The following PIEZO2 variants were observed in gnomAD, a reference collection of about 807,000 sequenced individuals.
The protein encoded by PIEZO2 is piezo-type mechanosensitive ion channel component 2.
Under a neutral mutation model 337.3 loss-of-function variants are expected in PIEZO2, and 172 were observed. That is an observed-to-expected ratio of 0.51 (90% CI 0.45 to 0.58). The LOEUF (loss-of-function observed/expected upper bound fraction) is 0.58. Ranked by LOEUF, PIEZO2 falls within the 20% of genes least tolerant of loss-of-function variation. The pLI, the probability that PIEZO2 is intolerant of heterozygous loss-of-function variation, is 0.00. For missense variants in PIEZO2, 3,028 were observed against 3,391.3 expected (o/e 0.89, Z 2.66); for synonymous variants, 1,251 against 1,228.5 (o/e 1.02, Z -0.38).
intron 31 of PIEZO2, among the ~76,000 whole-genome samples, chr18:10,743,271 A>C (rs2037296518): frequency 6.6e-6 from 1 of 152,218 alleles, no homozygotes; most frequent in Non-Finnish European, 1.5e-5. Flanking sequence ...AAGCTGGGAA[A>C]TAAGGTCTGA....
intron 4 of PIEZO2, among the ~76,000 whole-genome samples, chr18:10,876,662 C>T (rs1450801248): frequency 6.6e-6 from 1 of 152,174 alleles, no homozygotes; most frequent in Non-Finnish European, 1.5e-5. Flanking sequence ...AGTCCATTTC[C>T]TCATCTTACA....
chr18:10,722,908 C>T (rs1258106896), intron 36 of PIEZO2, among the ~76,000 whole-genome samples: 1 of 147,650 alleles, frequency 6.8e-6, no homozygotes, highest in African/African-American at 2.5e-5. Context: ...GAACTAAGTT[C>T]GAGTGTGTTT....
rs139146951 is a variant in PIEZO2, at chr18:10,828,236, C to T, written c.918-20962G>A. On this transcript the variant is annotated intron_variant, in intron 7 of 55. Coordinates refer to ENST00000674853, the MANE Select transcript of PIEZO2 (RefSeq NM_001378183.1). The surrounding 1 kb of genome is among the most constrained non-coding windows in gnomAD (Gnocchi z 4.1). ...CAGTTTGAGACAGGATGTTGAAGTA[C>T]TATTTGATAGAAAATTTTCCCTATC... is the stretch of plus-strand genomic sequence containing the variant. Among the ~76,000 whole-genome samples the T allele has an allele frequency of 6.6e-6, 1 of 150,930 alleles. No homozygotes were observed. Among genetic ancestry groups the T allele is most frequent in the African/African-American group, 2.4e-5 (1 of 41,146 alleles).
At chr18:10,906,418 A>G (rs1222473305) in intron 4 of PIEZO2, among the ~76,000 whole-genome samples, 1 of 152,236 alleles carries the variant, frequency 6.6e-6, no homozygotes, top group East Asian at 1.9e-4. Context: ...CCCAGTAAGC[A>G]AAAACTTTGA....
intron 4 of PIEZO2, among the ~76,000 whole-genome samples, chr18:10,896,585 G>A (rs2042908316): frequency 6.6e-6 from 1 of 152,176 alleles, no homozygotes; most frequent in African/African-American, 2.4e-5. Context: ...TGGCAAGCAG[G>A]TCAATAAACA....
In PIEZO2 at chr18:10,813,347, G is replaced by T. The variant is rs9945781; in HGVS notation, c.918-6073C>A. ...CACTCATATTGTTGCGAAACCAATC[G>T]CCAGAACTTTTTCATCTTGCAAAAC... On this transcript the variant is annotated intron_variant, in intron 7 of 55. Coordinates refer to ENST00000674853, the MANE Select transcript of PIEZO2 (RefSeq NM_001378183.1). This position sits in a 1 kb window ranked among gnomAD's most constrained non-coding sequence, Gnocchi z 4.2. Among the ~76,000 whole-genome samples, 71,189 of 151,918 alleles carry T rather than the reference G, an allele frequency of 0.47. 17,490 individuals carry two copies. Among genetic ancestry groups the T allele is most frequent in the East Asian group, 0.77 (3,996 of 5,174 alleles).
At position 11,101,829 on chromosome 18, in the gene PIEZO2, T is replaced by A. The variant is rs944772528; in HGVS notation, c.65-35607A>T. ...AGGCCTCGGCTACTCCCATGCTAAATTTTTGGGACACACAAGCTCTTGTAC... is the reference window on the plus strand; with the variant it reads ...AGGCCTCGGCTACTCCCATGCTAAAATTTTGGGACACACAAGCTCTTGTAC... On this transcript the variant is annotated intron_variant, in intron 1 of 55. Coordinates refer to ENST00000674853, the MANE Select transcript of PIEZO2 (RefSeq NM_001378183.1). This position sits in a 1 kb window ranked among gnomAD's most constrained non-coding sequence, Gnocchi z 4.4. 2.0e-5 allele frequency among the ~76,000 whole-genome samples: 3 copies of A among 152,180 alleles called. No homozygotes were observed. The South Asian group carries it at 6.2e-4, about 31-fold the overall frequency.
At chr18:11,042,931 G>C (rs1568322690) in intron 2 of PIEZO2, among the ~76,000 whole-genome samples, 2 of 152,114 alleles carry the variant, frequency 1.3e-5, no homozygotes, top group South Asian at 4.1e-4. Flanking sequence ...AGAATCTGAG[G>C]ATAATTATTG....
chr18:10,804,142 TAAAAAATGAC>T (rs2039918604), intron 8 of PIEZO2, 148 bp from the exon 9 acceptor site: 4 of 1,015,804 alleles, frequency 3.9e-6, no homozygotes, highest in Non-Finnish European at 5.5e-6. Flanking sequence ...CAAGACACTT[TAAAAAATGAC>T]AAAAATACCA....
intron 36 of PIEZO2, chr18:10,725,294 G>A (rs2036488026): frequency 2.5e-6 from 4 of 1,579,742 alleles, no homozygotes; most frequent in Middle Eastern, 3.3e-4. Context: ...TCCATTGTGG[G>A]TAAATACAGC....
At chr18:10,931,719 A>C (rs80171238) in intron 3 of PIEZO2, among the ~76,000 whole-genome samples, 23,797 of 148,516 alleles carry the variant, frequency 0.16, 2,267 homozygotes, top group Admixed American at 0.21. Flanking sequence ...TGTGTGAGAG[A>C]GAGAGAGAGA....
chr18:11,061,843 T>C (rs1394382254), intron 2 of PIEZO2, among the ~76,000 whole-genome samples: 1 of 152,182 alleles, frequency 6.6e-6, no homozygotes, highest in East Asian at 1.9e-4. Context: ...CAAAGGTAAT[T>C]TATAGATTCA....
chr18:10,802,440 A>G (rs540060752), intron 9 of PIEZO2, among the ~76,000 whole-genome samples: 1 of 152,228 alleles, frequency 6.6e-6, no homozygotes, highest in African/African-American at 2.4e-5. Context: ...TTCATTAAAA[A>G]TTTAAAAAAA....
rs2040380335 is a variant in PIEZO2, at chr18:11,132,898, G to A, written c.64+15627C>T. ...CATGCTCTGTGATTAAGGTCAATGG[G>A]AAACTACAACAGCCCAAACCAGGCA... On this transcript the variant is annotated intron_variant, in intron 1 of 55. Coordinates refer to ENST00000674853, the MANE Select transcript of PIEZO2 (RefSeq NM_001378183.1). This position sits in a 1 kb window ranked among gnomAD's most constrained non-coding sequence, Gnocchi z 4.7. Among the ~76,000 whole-genome samples the A allele has an allele frequency of 6.6e-6, 1 of 152,118 alleles. No homozygotes were observed. Among genetic ancestry groups the A allele is most frequent in the African/African-American group, 2.4e-5 (1 of 41,410 alleles).
chr18:10,993,473 C>T lies in PIEZO2; in HGVS notation c.161-13813G>A, dbSNP rs956747604. ...TCTGCATCTATTGAGATAATCATGTCGTTTTTGTCATTGGTTCTGTTTATG... is the reference window on the plus strand; with the variant it reads ...TCTGCATCTATTGAGATAATCATGTTGTTTTTGTCATTGGTTCTGTTTATG... On this transcript the variant is annotated intron_variant, in intron 2 of 55. Transcript: ENST00000674853. This position sits in a 1 kb window ranked among gnomAD's most constrained non-coding sequence, Gnocchi z 5.0. Among the ~76,000 whole-genome samples the T allele has an allele frequency of 5.3e-5, 8 of 152,028 alleles. No individual in the cohort carries two copies. Among genetic ancestry groups the T allele is most frequent in the East Asian group, 3.9e-4 (2 of 5,186 alleles).
intron 7 of PIEZO2, among the ~76,000 whole-genome samples, chr18:10,809,689 C>T (rs2040125375): frequency 6.6e-6 from 1 of 152,068 alleles, no homozygotes; most frequent in African/African-American, 2.4e-5. Context: ...TAGGATACTA[C>T]ACAGCATCCA....
chr18:11,056,226 G>C (rs2037729484), intron 2 of PIEZO2, among the ~76,000 whole-genome samples: 2 of 152,118 alleles, frequency 1.3e-5, no homozygotes, highest in African/African-American at 4.8e-5. Flanking sequence ...GCCCCTGGCC[G>C]GGGAAGAGAA....
chr18:10,770,342 A>G (rs1240724745), intron 20 of PIEZO2, 34 bp from the exon 21 acceptor site: 1 of 1,493,956 alleles, frequency 6.7e-7, no homozygotes, highest in Admixed American at 2.3e-5. Flanking sequence ...AGAGCATAAC[A>G]TTTTTAAAAA....
Position 10,885,200 on chromosome 18 carries a change from G to A in PIEZO2, c.330-13785C>T, listed in dbSNP as rs374531113. Among the ~76,000 whole-genome samples the A allele has an allele frequency of 7.4e-4, 113 of 152,240 alleles. 1 individual carries two copies. The highest frequency in any genetic ancestry group is 2.3e-3 in the African/African-American group (96 of 41,540). On this transcript the variant is annotated intron_variant, in intron 4 of 55. Transcript: ENST00000674853. The stretch of plus-strand genomic sequence containing the variant: ...AGCACTTTGGGAGGCCGAGGCGGGC[G>A]GATCATGAGCTCAGGAGATCGAGAC...
Sources: gnomAD v4.1 joint callset for allele counts (sites outside exome capture counted in the v4.1 genomes callset) on GRCh38, gnomAD v4.1.1 for gene constraint, Gnocchi (gnomAD v3.1) non-coding constraint, MANE v1.5 for transcripts, NCBI Gene and HGNC (gene_info 2026-07-23, HGNC 2026-07-21) for gene names.